FLNB: variants seen among roughly 807,000 people sequenced by gnomAD.
The protein encoded by FLNB is filamin-B.
A neutral mutation model predicts 250.6 loss-of-function variants in FLNB; 111 were observed. The ratio of observed to expected loss-of-function variants is 0.44; its 90% CI spans 0.38 to 0.52. The LOEUF is 0.52. Ranked by LOEUF, FLNB falls within the 20% of genes least tolerant of loss-of-function variation. FLNB has a pLI of 0.00. For synonymous variants in FLNB, 1,302 were observed against 1,372.1 expected, an observed-to-expected ratio of 0.95 and a Z score of 1.13; for missense variants, 2,869 against 3,447.8, an observed-to-expected ratio of 0.83 and a Z score of 4.20.
chr3:58,089,074 G>C lies in FLNB; in HGVS notation c.788-5762G>C, dbSNP rs1054727742. On this transcript the variant is annotated intron_variant, in intron 4 of 45. Coordinates refer to ENST00000295956, the MANE Select transcript of FLNB (RefSeq NM_001457.4). ...ACAGAACATTTACAGAAGACCCAGA[G>C]TCTCATTACATGATACCCCAAATAT... Among the ~76,000 whole-genome samples the C allele has an allele frequency of 8.6e-5, 13 of 151,130 alleles. No individual in the cohort carries two copies. The South Asian group carries it at 2.1e-3, about 24-fold the overall frequency.
At chr3:58,094,731 C>A in intron 4 of FLNB, 105 bp from the exon 5 acceptor site, 1 of 943,278 alleles carries the variant, frequency 1.1e-6, no homozygotes, top group South Asian at 1.3e-5. Flanking sequence ...ATGGGATCTG[C>A]AGGGCTGGGT....
Position 58,081,657 on chromosome 3 carries a change from C to G in FLNB, c.668C>G (p.Pro223Arg). ...QVITPEEIIH[P>R]DVDEHSVMTY... ...ATCACTCCTGAAGAAATCATTCACC[C>G]GGATGTGGACGAGCACTCAGTTATG... Residue 223 changes from proline to arginine, a missense_variant, in exon 4 of 46, where the codon CCG becomes CGG. By Grantham distance (103) the Pro-to-Arg change is moderately radical. Coordinates refer to ENST00000295956, the MANE Select transcript of FLNB (RefSeq NM_001457.4). 1 of 1,614,058 alleles carries G rather than the reference C, an allele frequency of 6.2e-7. No individual in the cohort carries two copies.
chr3:58,162,823 A>T, intron 42 of FLNB: 1 of 328,106 alleles, frequency 3.0e-6, no homozygotes, highest in Non-Finnish European at 5.8e-6. Flanking sequence ...AATGAGATTC[A>T]TCTCGTGACA....
At chr3:58,147,172 T>C (rs2097337095) in intron 34 of FLNB, among the ~76,000 whole-genome samples, 179 bp downstream of exon 34, 1 of 152,262 alleles carries the variant, frequency 6.6e-6, no homozygotes, top group Non-Finnish European at 1.5e-5. Context: ...AATCCTTCTC[T>C]TGCTGATAAT....
At chr3:58,034,609 A>G (rs2097135484) in intron 1 of FLNB, among the ~76,000 whole-genome samples, 1 of 152,234 alleles carries the variant, frequency 6.6e-6, no homozygotes, top group Non-Finnish European at 1.5e-5. Flanking sequence ...CAGTAGAGAA[A>G]GACTTTGAAT....
intron 1 of FLNB, among the ~76,000 whole-genome samples, chr3:58,028,535 T>A (rs1384210320): frequency 4.0e-5 from 6 of 151,460 alleles, no homozygotes; most frequent in African/African-American, 7.3e-5. Context: ...GGCTGGAGAA[T>A]CACTTGTGGC....
intron 37 of FLNB, 27 bp downstream of exon 37, chr3:58,150,029 T>G (rs2097342193): frequency 6.2e-7 from 1 of 1,614,126 alleles, no homozygotes; most frequent in African/African-American, 1.3e-5. Flanking sequence ...CCCCTCCAGG[T>G]GGGATGCTTG....
In FLNB at chr3:58,071,478, C is replaced by T. The variant is rs113364171; in HGVS notation, c.293-5568C>T. Among the ~76,000 whole-genome samples the T allele has an allele frequency of 7.1e-3, 1,081 of 151,946 alleles. 12 individuals are homozygous for T. The highest frequency in any genetic ancestry group is 0.024 in the African/African-American group (991 of 41,428). On this transcript the variant is annotated intron_variant, in intron 1 of 45. Transcript: ENST00000295956. Reference sequence around the variant, plus strand: ...ATTTTGAGTAGAGACAGGGTTTCACCGTGTTAGCCAGGCTGGCCTCGAACT... The same window carrying T: ...ATTTTGAGTAGAGACAGGGTTTCACTGTGTTAGCCAGGCTGGCCTCGAACT...
At chr3:58,058,338 A>T (rs1461847224) in intron 1 of FLNB, among the ~76,000 whole-genome samples, 1 of 152,172 alleles carries the variant, frequency 6.6e-6, no homozygotes, top group African/African-American at 2.4e-5. Context: ...AGTTGCCCAC[A>T]TCAGGACGAC....
chr3:58,132,946 T>C lies in FLNB; in HGVS notation c.4514+15T>C, dbSNP rs1306326760. The stretch of plus-strand genomic sequence containing the variant: ...ATTCCTCGCAGGTAAGCTCCATCCA[T>C]CTGCCCATCCATTCCTCCATCAGTC... On this transcript the variant is annotated intron_variant, in intron 26 of 45. Transcript: ENST00000295956. 1 of 1,608,570 alleles carries C rather than the reference T, an allele frequency of 6.2e-7. No individual in the cohort carries two copies.
chr3:58,039,200 A>C, intron 1 of FLNB, among the ~76,000 whole-genome samples: 1 of 151,424 alleles, frequency 6.6e-6, no homozygotes, highest in African/African-American at 2.4e-5. Context: ...CTACAGGAAA[A>C]AAAAAAAAAA....
intron 8 of FLNB, among the ~76,000 whole-genome samples, chr3:58,101,828 C>G (rs907306966): frequency 6.6e-6 from 1 of 152,244 alleles, no homozygotes; most frequent in African/African-American, 2.4e-5. Context: ...AAAGTCCAGT[C>G]TATCCAATTA....
chr3:58,156,845 C>T (rs34794660), intron 41 of FLNB, among the ~76,000 whole-genome samples: 14,264 of 152,104 alleles, frequency 0.094, 788 homozygotes, highest in Non-Finnish European at 0.11. Flanking sequence ...TCCAGGCACG[C>T]GCCATCACAC....
intron 1 of FLNB, among the ~76,000 whole-genome samples, chr3:58,063,278 C>T (rs1304584087): frequency 6.6e-6 from 1 of 152,204 alleles, no homozygotes; most frequent in African/African-American, 2.4e-5. Context: ...GGGTTCCACC[C>T]ATCCCTGCAC....
At position 58,078,708 on chromosome 3, in the gene FLNB, T is replaced by C; in HGVS notation, c.542-9T>C. On this transcript the variant is annotated splice_polypyrimidine_tract_variant and intron_variant, in intron 2 of 45. Coordinates refer to ENST00000295956, the MANE Select transcript of FLNB (RefSeq NM_001457.4). ...AATGCTAAAAGAATCTTTTGTGTTC[T>C]GTTAACAGGTCTGTGCCCAGACTGG... 1 of 1,611,918 alleles carries C rather than the reference T, an allele frequency of 6.2e-7. No homozygotes were observed. Among genetic ancestry groups the C allele is most frequent in the South Asian group, 1.1e-5 (1 of 90,644 alleles).
At chr3:58,122,061 C>T (rs1255374611) in intron 20 of FLNB, among the ~76,000 whole-genome samples, 5 of 147,710 alleles carry the variant, frequency 3.4e-5, no homozygotes, top group Admixed American at 2.1e-4. Flanking sequence ...CCCAGCTACT[C>T]GGGAGGCTGA....
chr3:58,163,657 A>T (rs1575477474), intron 43 of FLNB: 2 of 360,440 alleles, frequency 5.5e-6, no homozygotes, highest in African/African-American at 4.2e-5. Context: ...ATTAATTTTG[A>T]GGGTTTCTTT....
intron 2 of FLNB, chr3:58,078,403 C>A (rs2097204559): frequency 6.5e-7 from 1 of 1,533,166 alleles, no homozygotes; most frequent in Non-Finnish European, 8.7e-7. Flanking sequence ...TAAAATCCCT[C>A]CTGCATAAAG....
chr3:58,093,710 A>C (rs1037808206), intron 4 of FLNB, among the ~76,000 whole-genome samples: 2 of 152,120 alleles, frequency 1.3e-5, no homozygotes, highest in Non-Finnish European at 2.9e-5. Flanking sequence ...GACAACTAGA[A>C]ACAACCCAGA....
Sources: gnomAD v4.1 joint callset for allele counts (sites outside exome capture counted in the v4.1 genomes callset) on GRCh38, gnomAD v4.1.1 for gene constraint, MANE v1.5 for transcripts, NCBI Gene and HGNC (gene_info 2026-07-23, HGNC 2026-07-21) for gene names.